NLRP2: variants seen among roughly 807,000 people sequenced by gnomAD.
The protein encoded by NLRP2 is NLR family pyrin domain containing 2, also known as NACHT, LRR and PYD domains-containing protein 2.
A neutral mutation model predicts 97.2 loss-of-function variants in NLRP2; 107 were observed. That is an observed-to-expected ratio of 1.10 (90% CI 0.94 to 1.29). The LOEUF is 1.29. NLRP2 is among the 50% of genes most tolerant of loss of function. The pLI is 0.00. For synonymous variants in NLRP2, 663 were observed against 551.5 expected, an observed-to-expected ratio of 1.20 and a Z score of -2.83; for missense variants, 1,495 against 1,330.3, an observed-to-expected ratio of 1.12 and a Z score of -1.93.
chr19:54,987,024 A>G (rs184493339), intron 8 of NLRP2, among the ~76,000 whole-genome samples: 74 of 151,900 alleles, frequency 4.9e-4, no homozygotes, highest in African/African-American at 1.8e-3. Context: ...AGCTGGGATT[A>G]CAGGTGCACA....
chr19:54,987,847 C>T (rs1351944651), intron 8 of NLRP2, among the ~76,000 whole-genome samples: 1 of 151,900 alleles, frequency 6.6e-6, no homozygotes. Context: ...TCAAGACCAG[C>T]CTGGCCAACA....
At chr19:54,976,810 CTCTTTTTTTTTTTTT>C in intron 3 of NLRP2, 2 of 312,924 alleles carry the variant, frequency 6.4e-6, no homozygotes, top group Admixed American at 4.2e-5. Flanking sequence ...CTTGTTCTCT[CTCTTTTTTTTTTTTT>C]TTTTGATACG....
intron 8 of NLRP2, among the ~76,000 whole-genome samples, chr19:54,988,179 T>C (rs950967237): frequency 2.0e-5 from 3 of 152,238 alleles, no homozygotes; most frequent in East Asian, 1.9e-4. Flanking sequence ...ATGCATTCAA[T>C]AGTGGCTGCT....
chr19:54,968,312 C>T (rs905622941), intron 1 of NLRP2, among the ~76,000 whole-genome samples: 7 of 151,608 alleles, frequency 4.6e-5, no homozygotes, highest in African/African-American at 9.7e-5. Context: ...TCCCAAAGTG[C>T]GGGGATTGCA....
At chr19:54,990,385 T>TAG in intron 9 of NLRP2, 117 bp from the exon 10 acceptor site, 1 of 1,153,078 alleles carries the variant, frequency 8.7e-7, no homozygotes, top group South Asian at 1.2e-5. Context: ...CACCAGTGCA[T>TAG]GATAGAAGGT....
intron 4 of NLRP2, among the ~76,000 whole-genome samples, chr19:54,979,761 A>G (rs897853040): frequency 2.0e-5 from 3 of 152,066 alleles, no homozygotes; most frequent in South Asian, 2.1e-4. Context: ...GACACGGCCA[A>G]TGTCATTCCT....
chr19:54,983,726 G>A lies in NLRP2; in HGVS notation c.2028G>A (p.Glu676=), dbSNP rs2071826161. 6 of 1,610,122 alleles carry A rather than the reference G, an allele frequency of 3.7e-6. No individual in the cohort carries two copies. Among genetic ancestry groups the A allele is most frequent in the Non-Finnish European group, 5.1e-6 (6 of 1,179,900 alleles). Residue 676 remains glutamate (E), a splice_region_variant and synonymous_variant, in exon 6 of 13, where the codon GAG becomes GAA. Transcript: ENST00000448584. ...VTASESDAEV[E]RSQDDQHMLP... is the part of the protein sequence containing the mutation. ...CGTCTGAATCAGACGCCGAGGTTGA[G>A]AGGTGAGAACCGTTTCACTCTACCA...
chr19:54,988,676 C>A (rs1022820163), intron 8 of NLRP2, among the ~76,000 whole-genome samples: 5 of 152,074 alleles, frequency 3.3e-5, no homozygotes, highest in Non-Finnish European at 7.4e-5. Flanking sequence ...TGTGCCACCA[C>A]GCCCAGCTAA....
intron 4 of NLRP2, among the ~76,000 whole-genome samples, chr19:54,980,438 C>A (rs2071499836): frequency 6.6e-6 from 1 of 150,708 alleles, no homozygotes; most frequent in Admixed American, 6.6e-5. Context: ...TTATGATCCA[C>A]CCGCCTTGGC....
chr19:54,976,306 GCCTC>G (rs2071225702), intron 3 of NLRP2, among the ~76,000 whole-genome samples: 1 of 150,690 alleles, frequency 6.6e-6, no homozygotes, highest in Non-Finnish European at 1.5e-5. Context: ...ACGTGCCTCA[GCCTC>G]CCAAAGTGTT....
At chr19:55,000,697 G>A in intron 12 of NLRP2, 63 bp from the exon 13 acceptor site, 1 of 1,568,958 alleles carries the variant, frequency 6.4e-7, no homozygotes, top group Non-Finnish European at 8.8e-7. Context: ...TCAGGTACTT[G>A]GGAATTTGAA....
At chr19:54,988,327 C>G (rs761296193) in intron 8 of NLRP2, among the ~76,000 whole-genome samples, 3 of 152,054 alleles carry the variant, frequency 2.0e-5, no homozygotes, top group Non-Finnish European at 4.4e-5. Flanking sequence ...TAGTCTTGCT[C>G]TGTCTCCTAG....
At chr19:54,975,191 G>T (rs1695866623) in intron 3 of NLRP2, among the ~76,000 whole-genome samples, 1 of 128,238 alleles carries the variant, frequency 7.8e-6, no homozygotes, top group Admixed American at 9.7e-5. Flanking sequence ...TGCAATCATG[G>T]TTCACTGCAG....
At chr19:54,999,500 A>G (rs976626772) in intron 12 of NLRP2, among the ~76,000 whole-genome samples, 3 of 152,154 alleles carry the variant, frequency 2.0e-5, no homozygotes, top group African/African-American at 7.2e-5. Context: ...GAAGTTGCCA[A>G]AGTGGGTGAT....
rs769940861 is a variant in NLRP2, at chr19:54,990,193, G to C, written c.2537+1G>C. On this transcript the variant is annotated splice_donor_variant, in intron 9 of 12. Transcript: ENST00000448584. LOFTEE classifies it high-confidence loss of function. The stretch of plus-strand genomic sequence containing the variant: ...CCAAGTGCTTTCTGCAGAGGTTGTC[G>C]TAAGTCTCTCCTCTCTTACAGAGCA... The C allele has an allele frequency of 1.9e-6, 3 of 1,613,990 alleles. No individual in the cohort carries two copies. The highest frequency in any genetic ancestry group is 2.7e-5 in the African/African-American group (2 of 75,042).
chr19:54,968,545 A>G (rs1246519699), intron 1 of NLRP2, among the ~76,000 whole-genome samples: 1 of 147,910 alleles, frequency 6.8e-6, no homozygotes, highest in Non-Finnish European at 1.5e-5. Flanking sequence ...CATGTTGCCC[A>G]GGCTGGTCTC....
At chr19:54,978,122 G>A (rs1296316839) in intron 4 of NLRP2, among the ~76,000 whole-genome samples, 2 of 152,038 alleles carry the variant, frequency 1.3e-5, no homozygotes, top group African/African-American at 4.8e-5. Flanking sequence ...GCAATGGCGC[G>A]ATCTCGGCTC....
At chr19:54,978,440 C>G (rs2071383535) in intron 4 of NLRP2, among the ~76,000 whole-genome samples, 1 of 152,006 alleles carries the variant, frequency 6.6e-6, no homozygotes, top group Admixed American at 6.6e-5. Context: ...GTTTCACCAT[C>G]TCATTCAGGG....
Position 54,990,666 on chromosome 19 carries a change from C to A in NLRP2, c.2702C>A (p.Thr901Asn). 1 of 1,614,086 alleles carries A rather than the reference C, an allele frequency of 6.2e-7. No individual in the cohort carries two copies. Among genetic ancestry groups the A allele is most frequent in the Non-Finnish European group, 8.5e-7 (1 of 1,180,022 alleles). ...AGGTACCCCGAGTGTAAACTGCAGA[C>A]CTTGGTGTAAGTCCGTGCTGGCTGC... ...GLRYPECKLQ[T>N]LVLWNCDITS... The change falls in exon 10 of 13, where the codon ACC becomes AAC. Residue 901 changes from threonine to asparagine, a missense_variant. Transcript: ENST00000448584.
Sources: gnomAD v4.1 joint callset for allele counts (sites outside exome capture counted in the v4.1 genomes callset) on GRCh38, gnomAD v4.1.1 for gene constraint, MANE v1.5 for transcripts, NCBI Gene and HGNC (gene_info 2026-07-23, HGNC 2026-07-21) for gene names.